The following RBM27 variants were observed in gnomAD, a reference collection of about 807,000 sequenced individuals.
RBM27 encodes RNA-binding protein 27.
A neutral mutation model predicts 135.3 loss-of-function variants in RBM27; 22 were observed. The observed-to-expected ratio is 0.16, with a 90% CI of 0.12 to 0.23. The LOEUF (loss-of-function observed/expected upper bound fraction) is 0.23, where lower values mean the gene tolerates loss of function less well. Ranked by LOEUF, RBM27 falls within the 10% of genes least tolerant of loss-of-function variation. The probability of loss-of-function intolerance (pLI) is 1.00; values close to 1 mark genes in which losing one functional copy is unlikely to be tolerated. For missense variants in RBM27, 1,009 were observed against 1,281.0 expected, an observed-to-expected ratio of 0.79 and a Z score of 3.24; for synonymous variants, 481 against 442.4, an observed-to-expected ratio of 1.09 and a Z score of -1.10.
At position 146,289,122 on chromosome 5, in the gene RBM27, T is replaced by C. The variant is rs1198095292; in HGVS notation, c.*3092T>C. 1 of 151,894 alleles carries C rather than the reference T, an allele frequency of 6.6e-6. No homozygotes were observed. Among genetic ancestry groups the C allele is most frequent in the Non-Finnish European group, 1.5e-5 (1 of 67,920 alleles). 9.4% of individuals were successfully genotyped at this position (151,894 alleles called of 1,614,324 possible). A position where few individuals can be genotyped will look rare whatever the true frequency, so the allele number is the denominator to read the frequency against. The stretch of plus-strand genomic sequence containing the variant: ...GCAATAAAGATGCAATATGGAATGG[T>C]TCACAATTGGAAAAAAAAAAGAAAA... On this transcript the variant is annotated 3_prime_UTR_variant, in exon 21 of 21. Coordinates refer to ENST00000265271, the MANE Select transcript of RBM27 (RefSeq NM_018989.2).
intron 11 of RBM27, among the ~76,000 whole-genome samples, chr5:146,259,438 A>C (rs1758269612): frequency 7.3e-6 from 1 of 136,992 alleles, no homozygotes; most frequent in African/African-American, 2.7e-5. Context: ...TGGGAGGCGG[A>C]GGTTGCAGTG....
chr5:146,263,728 G>C, intron 14 of RBM27, 97 bp downstream of exon 14: 1 of 1,352,424 alleles, frequency 7.4e-7, no homozygotes, highest in South Asian at 1.4e-5. Context: ...AGTTGTGACA[G>C]TTAACCTAAG....
intron 1 of RBM27, among the ~76,000 whole-genome samples, chr5:146,217,029 C>T (rs929376635): frequency 4.6e-5 from 7 of 151,454 alleles, no homozygotes; most frequent in Non-Finnish European, 8.8e-5. Flanking sequence ...TGCAGTGGTG[C>T]GATCTCAGCT....
At chr5:146,268,263 A>G (rs1758706802) in intron 15 of RBM27, among the ~76,000 whole-genome samples, 1 of 145,070 alleles carries the variant, frequency 6.9e-6, no homozygotes, top group African/African-American at 2.5e-5. Flanking sequence ...TTTTTTTGAG[A>G]CGGAGTTTTG....
intron 7 of RBM27, among the ~76,000 whole-genome samples, chr5:146,234,270 A>T (rs1025291319): frequency 5.9e-5 from 9 of 152,206 alleles, no homozygotes; most frequent in African/African-American, 1.9e-4. Context: ...TTGAAATAAT[A>T]TTAAAAAAAT....
chr5:146,251,987 C>T (rs1332273873), intron 9 of RBM27, 112 bp downstream of exon 9: 5 of 1,204,090 alleles, frequency 4.2e-6, no homozygotes, highest in Non-Finnish European at 4.7e-6. Context: ...CCCATTAAAG[C>T]TCATAGGTAG....
chr5:146,229,845 G>T lies in RBM27; in HGVS notation c.524G>T (p.Gly175Val). 3 of 1,614,012 alleles carry T rather than the reference G, an allele frequency of 1.9e-6. No homozygotes were observed. The highest frequency in any genetic ancestry group is 2.5e-6 in the Non-Finnish European group (3 of 1,179,966). ...GRSKSRSKSR[G>V]LSRSRSRSRG... ...AGTAAGAGTCGGAGTAAGAGTCGAG[G>T]CCTGAGTCGCAGTAGAAGCCGAAGT... Residue 175 changes from glycine to valine, a missense_variant, in exon 5 of 21, where the codon GGC (glycine) becomes GTC (valine). This residue lies in a region of RBM27 where 268 missense variants were observed against 326.6 expected (regional missense o/e 0.82). Coordinates refer to ENST00000265271, the MANE Select transcript of RBM27 (RefSeq NM_018989.2).
intron 8 of RBM27, among the ~76,000 whole-genome samples, chr5:146,243,343 T>A (rs971099766): frequency 6.6e-6 from 1 of 152,220 alleles, no homozygotes; most frequent in Admixed American, 6.5e-5. Context: ...ATTGAATCCT[T>A]CACATTGTTC....
chr5:146,261,762 G>T lies in RBM27; in HGVS notation c.2146G>T (p.Val716Leu). ...PQHLHQQQVL[V>L]AQSAPSTVHG... is the part of the protein sequence containing the mutation. ...GCATCTACATCAGCAGCAGGTGCTA[G>T]TGGCCCAGTCTGCTCCTTCAACAGT... The change falls in exon 13 of 21, where the codon GTG becomes TTG. Residue 716 changes from valine to leucine, a missense_variant. Physicochemically the swap from Val to Leu is conservative, Grantham distance 32. Coordinates refer to ENST00000265271, the MANE Select transcript of RBM27 (RefSeq NM_018989.2). The T allele has an allele frequency of 6.2e-7, 1 of 1,614,216 alleles. No individual in the cohort carries two copies. The highest frequency in any genetic ancestry group is 8.5e-7 in the Non-Finnish European group (1 of 1,180,038).
intron 1 of RBM27, among the ~76,000 whole-genome samples, chr5:146,205,410 T>C (rs908258549): frequency 6.6e-6 from 1 of 152,176 alleles, no homozygotes; most frequent in African/African-American, 2.4e-5. Context: ...ATTGCATTAG[T>C]GGAAAATTTG....
At chr5:146,261,372 A>G (rs777297507) in intron 12 of RBM27, 138 bp from the exon 13 acceptor site, 13 of 733,546 alleles carry the variant, frequency 1.8e-5, no homozygotes, top group East Asian at 1.6e-4. Flanking sequence ...TAAAAGCTCT[A>G]TCTCTAAAAC....
At chr5:146,266,967 G>A (rs1361444748) in intron 14 of RBM27, among the ~76,000 whole-genome samples, 2 of 152,178 alleles carry the variant, frequency 1.3e-5, no homozygotes, top group South Asian at 2.1e-4. Flanking sequence ...AAAAAAGAAC[G>A]TAGCTTAATA....
chr5:146,267,586 T>C (rs1265627191), intron 14 of RBM27, 63 bp from the exon 15 acceptor site: 7 of 1,087,438 alleles, frequency 6.4e-6, no homozygotes, highest in East Asian at 4.9e-5. Context: ...TAAAAAAGTA[T>C]TCTAAGCATT....
At chr5:146,217,804 A>G (rs1756277767) in intron 1 of RBM27, among the ~76,000 whole-genome samples, 1 of 152,116 alleles carries the variant, frequency 6.6e-6, no homozygotes, top group South Asian at 2.1e-4. Flanking sequence ...TCTGTCACCC[A>G]GGCTGGAGTG....
intron 1 of RBM27, among the ~76,000 whole-genome samples, chr5:146,215,129 A>G (rs1258500518): frequency 6.6e-6 from 1 of 152,044 alleles, no homozygotes; most frequent in Non-Finnish European, 1.5e-5. Flanking sequence ...GGCTTGCTGC[A>G]ACCTCTGCCT....
chr5:146,218,231 T>G (rs1030957794), intron 1 of RBM27, among the ~76,000 whole-genome samples: 3 of 152,228 alleles, frequency 2.0e-5, no homozygotes, highest in Non-Finnish European at 4.4e-5. Flanking sequence ...CAGATTACTA[T>G]ACATCAGGAG....
intron 1 of RBM27, among the ~76,000 whole-genome samples, chr5:146,212,611 C>T (rs1407893286): frequency 6.6e-6 from 1 of 152,170 alleles, no homozygotes; most frequent in African/African-American, 2.4e-5. Flanking sequence ...ACCTCAGCCT[C>T]CTGAAGTGCT....
intron 1 of RBM27, among the ~76,000 whole-genome samples, chr5:146,209,065 C>T (rs1755827934): frequency 6.6e-6 from 1 of 152,080 alleles, no homozygotes; most frequent in African/African-American, 2.4e-5. Flanking sequence ...AGTTGTCTAA[C>T]CTTTTTCTAT....
chr5:146,281,074 T>C (rs1413498022), intron 19 of RBM27, among the ~76,000 whole-genome samples: 2 of 152,124 alleles, frequency 1.3e-5, no homozygotes, highest in Non-Finnish European at 2.9e-5. Context: ...TTGGCCAGGT[T>C]GGTCTCAAAC....
Sources: allele counts gnomAD v4.1 joint callset (sites outside exome capture counted in the v4.1 genomes callset), GRCh38; gene constraint gnomAD v4.1.1; regional missense constraint gnomAD v4.1.1; transcripts MANE v1.5; gene names NCBI Gene and HGNC (gene_info 2026-07-23, HGNC 2026-07-21).